Variants in NUPR1 observed in about 807,000 individuals in gnomAD.
NUPR1 encodes the protein nuclear protein 1.
A neutral mutation model predicts 7.3 loss-of-function variants in NUPR1; 8 were observed. The observed-to-expected ratio is 1.09, with a 90% confidence interval of 0.64 to 1.97. The LOEUF (loss-of-function observed/expected upper bound fraction) is 1.97, where lower values mean the gene tolerates loss of function less well. Ranked by LOEUF, NUPR1 falls within the 30% of genes most tolerant of loss-of-function variation. The pLI, the probability that NUPR1 is intolerant of heterozygous loss-of-function variation, is 0.00. For missense variants in NUPR1, 96 were observed against 111.7 expected, an observed-to-expected ratio of 0.86 and a Z score of 0.63; for synonymous variants, 39 against 44.5, an observed-to-expected ratio of 0.88 and a Z score of 0.49.
chr16:28,538,553 C>G, intron 1 of NUPR1: 1 of 636,518 alleles, frequency 1.6e-6, no homozygotes, highest in Non-Finnish European at 2.9e-6. Flanking sequence ...ACCTGAAGTT[C>G]CAGCCACTCA....
At chr16:28,538,575 C>G in intron 1 of NUPR1, 2 of 659,786 alleles carry the variant, frequency 3.0e-6, no homozygotes, top group South Asian at 1.5e-5. Context: ...GAGGCTGAAG[C>G]AGGAGGATCA....
intron 1 of NUPR1, 38 bp downstream of exon 1, chr16:28,538,758 A>C (rs1297386646): frequency 6.8e-7 from 1 of 1,472,466 alleles, no homozygotes; most frequent in Non-Finnish European, 9.5e-7. Flanking sequence ...ATTTCGGGAG[A>C]GGAGGAAGGA....
chr16:28,533,327 G>C lies in NUPR1; in HGVS notation c.*4356C>G, dbSNP rs1203350436. ...GGCTTCCGTGTGATCCCAGAGGAGG[G>C]TCGGCCTGGGGTGGAGGTCAGGAGA... On this transcript the variant is annotated 3_prime_UTR_variant, in exon 3 of 3. Transcript: ENST00000324873. 6.6e-6 allele frequency: 1 copy of C among 152,260 alleles called. No homozygotes were observed. The highest frequency in any genetic ancestry group is 1.5e-5 in the Non-Finnish European group (1 of 68,066). 9.4% of individuals were successfully genotyped at this position (152,260 alleles called of 1,614,324 possible).
In NUPR1 at chr16:28,538,912, C is replaced by T; in HGVS notation, c.-5G>A. 1 of 1,610,524 alleles carries T rather than the reference C, an allele frequency of 6.2e-7. No homozygotes were observed. On this transcript the variant is annotated 5_prime_UTR_variant, in exon 1 of 3. Transcript: ENST00000324873. ...TGCTGGTGGGAAGGTGGCCATCGTG[C>T]CTGGCTTGTCTTCCCTGCCTCTCTT...
rs2046605053 is a variant in NUPR1, at chr16:28,535,504, TTTC to T, written c.*2176_*2178del. The T allele has an allele frequency of 3.4e-5, 1 of 29,342 alleles. No homozygotes were observed. Among genetic ancestry groups the T allele is most frequent in the African/African-American group, 1.3e-4 (1 of 7,788 alleles). The allele number at this position is 29,342 out of a possible 1,614,324, so 1.8% of individuals were successfully genotyped here. On this transcript the variant is annotated 3_prime_UTR_variant, in exon 3 of 3. Coordinates refer to ENST00000324873, the MANE Select transcript of NUPR1 (RefSeq NM_012385.3). ...GAGCCACTGTGCCGGGGCTCGCTCT[TTTC>T]TTTCTTTCTTTCTTTCTTTCTTTCT...
rs1036806780 is a variant in NUPR1 at position 28,537,160 on chromosome 16, T to C, written c.*523A>G. On this transcript the variant is annotated 3_prime_UTR_variant, in exon 3 of 3. Coordinates refer to ENST00000324873, the MANE Select transcript of NUPR1 (RefSeq NM_012385.3). Reference sequence around the variant, plus strand: ...CCACAGAAATGTATGCACTAAAATATATGCAAGCAAAAGCAAACAAACCAA... The same window carrying C: ...CCACAGAAATGTATGCACTAAAATACATGCAAGCAAAAGCAAACAAACCAA... 8.4e-4 allele frequency: 128 copies of C among 152,134 alleles called. 7 individuals are homozygous for C. Among genetic ancestry groups the C allele is most frequent in the Non-Finnish European group, 1.5e-5 (1 of 68,058 alleles). The allele number at this position is 152,134 out of a possible 1,614,324, so 9.4% of individuals were successfully genotyped here. A position where few individuals can be genotyped will look rare whatever the true frequency, so the allele number is the denominator to read the frequency against.
In NUPR1 at chr16:28,538,134, C is replaced by A. The variant is rs765356173; in HGVS notation, c.134G>T (p.Arg45Leu). The change falls in exon 2 of 3, where the codon CGC (arginine) becomes CTC (leucine). Residue 45 changes from arginine (R) to leucine (L), a missense_variant. Arg to Leu is a moderately radical substitution (Grantham distance 102). Transcript: ENST00000324873. ...GTTGGCAGCAGCTTCTCTCTTGGTG[C>A]GACCTTTCCGGCCTCCACCTCCTGT... Reference protein sequence around the residue: ...SYLGGGGRKGRTKREAAANTN... With the variant: ...SYLGGGGRKGLTKREAAANTN... The A allele has an allele frequency of 3.7e-6, 6 of 1,614,160 alleles. No homozygotes were observed. The South Asian group carries it at 6.6e-5, about 18-fold the overall frequency.
chr16:28,535,041 A>T lies in NUPR1; in HGVS notation c.*2642T>A, dbSNP rs188738764. 1,339 of 152,268 alleles carry T rather than the reference A, an allele frequency of 8.8e-3. 7 individuals are homozygous for T. Among genetic ancestry groups the T allele is most frequent in the South Asian group, 0.013 (64 of 4,830 alleles). The allele number at this position is 152,268 out of a possible 1,614,324, so 9.4% of individuals were successfully genotyped here. On this transcript the variant is annotated 3_prime_UTR_variant, in exon 3 of 3. Transcript: ENST00000324873. The stretch of plus-strand genomic sequence containing the variant: ...CAATCAACAAATAATCTCAGCTCCA[A>T]CCACACTTCCTGTTTGCCCCATATT...
chr16:28,536,573 CA>C lies in NUPR1; in HGVS notation c.*1109del, dbSNP rs1269681974. The C allele has an allele frequency of 6.6e-6, 1 of 152,542 alleles. No homozygotes were observed. Among genetic ancestry groups the C allele is most frequent in the Non-Finnish European group, 1.5e-5 (1 of 68,416 alleles). The allele number at this position is 152,542 out of a possible 1,614,324, so 9.4% of individuals were successfully genotyped here. ...CTTACTATGATGCTCAGGCTGGTCT[CA>C]AACTCCTAGGCTCAAGTAATCCTCC... On this transcript the variant is annotated 3_prime_UTR_variant, in exon 3 of 3. Coordinates refer to ENST00000324873, the MANE Select transcript of NUPR1 (RefSeq NM_012385.3).
At position 28,532,899 on chromosome 16, in the gene NUPR1, G is replaced by A. The variant is rs929828419; in HGVS notation, c.*4784C>T. ...CCTCAGTTTTCCGGTCTGAAAAAAAGGGGATCATTAATAGTATGTCCTATT... is the reference window on the plus strand; with the variant it reads ...CCTCAGTTTTCCGGTCTGAAAAAAAAGGGATCATTAATAGTATGTCCTATT... On this transcript the variant is annotated 3_prime_UTR_variant, in exon 3 of 3. Coordinates refer to ENST00000324873, the MANE Select transcript of NUPR1 (RefSeq NM_012385.3). The A allele has an allele frequency of 6.6e-6, 1 of 152,176 alleles. No individual in the cohort carries two copies. Among genetic ancestry groups the A allele is most frequent in the Non-Finnish European group, 1.5e-5 (1 of 68,030 alleles). 9.4% of individuals were successfully genotyped at this position (152,176 alleles called of 1,614,324 possible). A position where few individuals can be genotyped will look rare whatever the true frequency, so the allele number is the denominator to read the frequency against.
Position 28,535,563 on chromosome 16 carries a change from C to CTTTTCTTTCTTTCTTTCTTTT in NUPR1, c.*2119_*2120insAAAAGAAAGAAAGAAAGAAAA, listed in dbSNP as rs780569587. The CTTTTCTTTCTTTCTTTCTTTT allele has an allele frequency of 8.9e-5, 6 of 67,180 alleles. 1 individual carries two copies. Among genetic ancestry groups the CTTTTCTTTCTTTCTTTCTTTT allele is most frequent in the African/African-American group, 1.5e-4 (3 of 19,920 alleles). The allele number at this position is 67,180 out of a possible 1,614,324, so 4.2% of individuals were successfully genotyped here. On this transcript the variant is annotated 3_prime_UTR_variant, in exon 3 of 3. Coordinates refer to ENST00000324873, the MANE Select transcript of NUPR1 (RefSeq NM_012385.3). ...TCTTTCCTTCTTTCTTTCTTTCTTT[C>CTTTTCTTTCTTTCTTTCTTTT]CTTCCTTCCTTTCTTTCTTTCTTTC...
chr16:28,537,928 A>C (rs2046635246), intron 2 of NUPR1, 78 bp downstream of exon 2: 1 of 1,193,780 alleles, frequency 8.4e-7, no homozygotes, highest in African/African-American at 1.5e-5. Flanking sequence ...CCTCCTCCCC[A>C]CCCAATCACA....
In NUPR1 at chr16:28,533,443, G is replaced by C. The variant is rs2046593403; in HGVS notation, c.*4240C>G. 1 of 152,186 alleles carries C rather than the reference G, an allele frequency of 6.6e-6. No homozygotes were observed. Among genetic ancestry groups the C allele is most frequent in the Admixed American group, 6.6e-5 (1 of 15,262 alleles). 9.4% of individuals were successfully genotyped at this position (152,186 alleles called of 1,614,324 possible). A position where few individuals can be genotyped will look rare whatever the true frequency, so the allele number is the denominator to read the frequency against. The stretch of plus-strand genomic sequence containing the variant: ...ACGCCCAGGCTGGAGTGAGATCATG[G>C]CTCACTGCAGCCTCCACCTCCCAGA... On this transcript the variant is annotated 3_prime_UTR_variant, in exon 3 of 3. Transcript: ENST00000324873.
At position 28,536,551 on chromosome 16, in the gene NUPR1, A is replaced by G. The variant is rs1158308465; in HGVS notation, c.*1132T>C. On this transcript the variant is annotated 3_prime_UTR_variant, in exon 3 of 3. Coordinates refer to ENST00000324873, the MANE Select transcript of NUPR1 (RefSeq NM_012385.3). ...AAAAAAATTGTAGAGATGGGGTCTTACTATGATGCTCAGGCTGGTCTCAAA... is the reference window on the plus strand; with the variant it reads ...AAAAAAATTGTAGAGATGGGGTCTTGCTATGATGCTCAGGCTGGTCTCAAA... 6.6e-6 allele frequency: 1 copy of G among 152,328 alleles called. No individual in the cohort carries two copies. Among genetic ancestry groups the G allele is most frequent in the Non-Finnish European group, 1.5e-5 (1 of 68,300 alleles). 9.4% of individuals were successfully genotyped at this position (152,328 alleles called of 1,614,324 possible).
rs1359794297 is a variant in NUPR1, at chr16:28,535,567, C to CTTTCTTTCTTTCTTTCTTTCCTTTCTTT, written c.*2115_*2116insAAAGAAAGGAAAGAAAGAAAGAAAGAAA. ...TCCTTCTTTCTTTCTTTCTTTCCTT[C>CTTTCTTTCTTTCTTTCTTTCCTTTCTTT]CTTCCTTTCTTTCTTTCTTTCTTTC... On this transcript the variant is annotated 3_prime_UTR_variant, in exon 3 of 3. Coordinates refer to ENST00000324873, the MANE Select transcript of NUPR1 (RefSeq NM_012385.3). 1 of 67,392 alleles carries CTTTCTTTCTTTCTTTCTTTCCTTTCTTT rather than the reference C, an allele frequency of 1.5e-5. No homozygotes were observed. The highest frequency in any genetic ancestry group is 8.5e-4 in the East Asian group (1 of 1,182). 4.2% of individuals were successfully genotyped at this position (67,392 alleles called of 1,614,324 possible).
In NUPR1 at chr16:28,534,893, T is replaced by TA. The variant is rs1426487590; in HGVS notation, c.*2789dup. The TA allele has an allele frequency of 3.3e-5, 5 of 152,050 alleles. No individual in the cohort carries two copies. The highest frequency in any genetic ancestry group is 1.2e-4 in the African/African-American group (5 of 41,380). 9.4% of individuals were successfully genotyped at this position (152,050 alleles called of 1,614,324 possible). A position where few individuals can be genotyped will look rare whatever the true frequency, so the allele number is the denominator to read the frequency against. ...GGTGTGGCAGAACAGTGAGTAAAAA[T>TA]AGCTGGAATCCTCAACACAATGGAG... On this transcript the variant is annotated 3_prime_UTR_variant, in exon 3 of 3. Coordinates refer to ENST00000324873, the MANE Select transcript of NUPR1 (RefSeq NM_012385.3).
intron 1 of NUPR1, 148 bp from the exon 2 acceptor site, chr16:28,538,303 T>C (rs2046639743): frequency 8.8e-7 from 1 of 1,137,326 alleles, no homozygotes; most frequent in Non-Finnish European, 1.3e-6. Context: ...GGACCCCAGA[T>C]GTGTGTGAGG....
rs1201242892 is a variant in NUPR1 at position 28,537,276 on chromosome 16, C to T, written c.*407G>A. The T allele has an allele frequency of 2.0e-5, 3 of 152,330 alleles. No individual in the cohort carries two copies. The highest frequency in any genetic ancestry group is 1.9e-4 in the East Asian group (1 of 5,252). 9.4% of individuals were successfully genotyped at this position (152,330 alleles called of 1,614,324 possible). A position where few individuals can be genotyped will look rare whatever the true frequency, so the allele number is the denominator to read the frequency against. On this transcript the variant is annotated 3_prime_UTR_variant, in exon 3 of 3. Transcript: ENST00000324873. ...AACACAAATACACATCAAAGATGCT[C>T]TCTCAGGCTCATGAATGTGCAGGCA...
In NUPR1 at chr16:28,536,835, G is replaced by A. The variant is rs2046627116; in HGVS notation, c.*848C>T. The A allele has an allele frequency of 6.6e-6, 1 of 151,610 alleles. No homozygotes were observed. The highest frequency in any genetic ancestry group is 1.5e-5 in the Non-Finnish European group (1 of 67,986). The allele number at this position is 151,610 out of a possible 1,614,324, so 9.4% of individuals were successfully genotyped here. A position where few individuals can be genotyped will look rare whatever the true frequency, so the allele number is the denominator to read the frequency against. On this transcript the variant is annotated 3_prime_UTR_variant, in exon 3 of 3. Coordinates refer to ENST00000324873, the MANE Select transcript of NUPR1 (RefSeq NM_012385.3). ...CTGCCACCATGCTTGGCTAATTTTT[G>A]GTATTTTTAGTGGAGATGGGGTTTC...
Sources: gnomAD v4.1 joint callset for allele counts on GRCh38, gnomAD v4.1.1 for gene constraint, MANE v1.5 for transcripts, NCBI Gene and HGNC (gene_info 2026-07-23, HGNC 2026-07-21) for gene names.